The following IGSF11 variants were observed in gnomAD, a reference collection of about 807,000 sequenced individuals.
IGSF11 encodes the protein CXADR like 1.
Under a neutral mutation model 41.0 loss-of-function variants are expected in IGSF11, and 22 were observed. That is an observed-to-expected ratio of 0.54 (90% CI 0.38 to 0.77). IGSF11 has a LOEUF of 0.77. Among genes scored for constraint, IGSF11 ranks in the 30% least tolerant of loss-of-function variants. IGSF11 has a pLI of 0.00. For missense variants in IGSF11, 444 were observed against 530.8 expected (o/e 0.84, Z 1.61); for synonymous variants, 219 against 201.3 (o/e 1.09, Z -0.74).
chr3:119,109,927 T>C (rs945236390), upstream of IGSF11, among the ~76,000 whole-genome samples: 4 of 152,252 alleles, frequency 2.6e-5, no homozygotes, highest in African/African-American at 9.6e-5. Context: ...TCCTGAGTTC[T>C]AGTTTGATTG....
At chr3:119,093,212 G>T (rs1460368235) in intron 1 of IGSF11, among the ~76,000 whole-genome samples, 1 of 152,164 alleles carries the variant, frequency 6.6e-6, no homozygotes, top group Non-Finnish European at 1.5e-5. Flanking sequence ...ACTAAAGATT[G>T]CTGAGCTACG....
At chr3:119,014,496 C>CA (rs1306626000) in intron 1 of IGSF11, among the ~76,000 whole-genome samples, 1 of 152,118 alleles carries the variant, frequency 6.6e-6, no homozygotes, top group Non-Finnish European at 1.5e-5. Flanking sequence ...GATGGAAAGA[C>CA]AGAGACAGAA....
chr3:118,948,142 T>G (rs1444410219), intron 1 of IGSF11: 1 of 152,200 alleles, frequency 6.6e-6, no homozygotes, highest in Non-Finnish European at 1.5e-5. Context: ...AAATGTAAAA[T>G]GTAAGGAATG....
chr3:119,078,245 A>G (rs1344063394), intron 1 of IGSF11, among the ~76,000 whole-genome samples: 2 of 152,224 alleles, frequency 1.3e-5, no homozygotes, highest in African/African-American at 2.4e-5. Context: ...CAGAGGCATC[A>G]TACTACCTGA....
At chr3:119,129,576 T>C (rs1481257578) in intron 1 of IGSF11, among the ~76,000 whole-genome samples, 1 of 152,168 alleles carries the variant, frequency 6.6e-6, no homozygotes, top group African/African-American at 2.4e-5. Context: ...AGTTTTTGTT[T>C]GTTTTCTTAT....
intron 1 of IGSF11, among the ~76,000 whole-genome samples, chr3:119,085,388 A>G (rs556686685): frequency 6.6e-6 from 1 of 152,286 alleles, no homozygotes; most frequent in East Asian, 1.9e-4. Flanking sequence ...AAGCCAACCG[A>G]CTGTGTACTC....
rs1576743141 is a variant in IGSF11 at position 119,057,145 on chromosome 3, A to G, written c.49+47999T>C. 2.0e-5 allele frequency among the ~76,000 whole-genome samples: 3 copies of G among 152,312 alleles called. No homozygotes were observed. The East Asian group carries it at 5.8e-4, about 29-fold the overall frequency. On this transcript the variant is annotated intron_variant, in intron 1 of 6. Coordinates refer to the IGSF11 transcript ENST00000354673. Reference sequence around the variant, plus strand: ...CAGGGCAATTAGGCAGGAGAAGGAAATAAAGGGTATTCAATTAGGAAAAGA... The same window carrying G: ...CAGGGCAATTAGGCAGGAGAAGGAAGTAAAGGGTATTCAATTAGGAAAAGA...
At chr3:118,930,524 GAT>G (rs1479650997) in intron 1 of IGSF11, among the ~76,000 whole-genome samples, 1 of 152,202 alleles carries the variant, frequency 6.6e-6, no homozygotes, top group Non-Finnish European at 1.5e-5. Flanking sequence ...GATGCTATCT[GAT>G]ATGTGGCCAG....
intron 1 of IGSF11, among the ~76,000 whole-genome samples, chr3:119,044,066 G>C (rs761887257): frequency 1.3e-5 from 2 of 152,110 alleles, no homozygotes; most frequent in African/African-American, 2.4e-5. Context: ...AAAAATCTCT[G>C]AATTGCCAAA....
chr3:118,931,529 A>AT (rs1256947619), intron 1 of IGSF11, among the ~76,000 whole-genome samples: 1 of 152,180 alleles, frequency 6.6e-6, no homozygotes, highest in African/African-American at 2.4e-5. Flanking sequence ...CCCAAAACAT[A>AT]TTTCTCAAAG....
At chr3:118,977,773 C>T (rs1934279943) in intron 1 of IGSF11, among the ~76,000 whole-genome samples, 1 of 152,116 alleles carries the variant, frequency 6.6e-6, no homozygotes, top group Non-Finnish European at 1.5e-5. Flanking sequence ...CTAGAAACCA[C>T]ACGAAGGCAC....
rs1420720333 is a variant in IGSF11 at position 118,948,044 on chromosome 3, C to G, written c.53-17769G>C. 6 of 152,160 alleles carry G rather than the reference C, an allele frequency of 3.9e-5. No homozygotes were observed. The East Asian group carries it at 1.2e-3, about 29-fold the overall frequency. 9.4% of individuals were successfully genotyped at this position (152,160 alleles called of 1,614,324 possible). On this transcript the variant is annotated intron_variant, in intron 1 of 6. Coordinates refer to ENST00000393775, the MANE Select transcript of IGSF11 (RefSeq NM_001015887.3). The stretch of plus-strand genomic sequence containing the variant: ...CTAAACATACGCAAATTCTATGAAC[C>G]AGCAATTCTATCCCGTGTATGTGTA...
rs145245773 is a variant in IGSF11, at chr3:118,935,477, A to G, written c.53-5202T>C. ...ACATATATATATCAGATGCCAAAAGAGACTTTTAAGACAAACTGCCCTGAA... is the reference window on the plus strand; with the variant it reads ...ACATATATATATCAGATGCCAAAAGGGACTTTTAAGACAAACTGCCCTGAA... On this transcript the variant is annotated intron_variant, in intron 1 of 6. Transcript: ENST00000393775. Among the ~76,000 whole-genome samples, 321 of 150,648 alleles carry G rather than the reference A, an allele frequency of 2.1e-3. 3 individuals carry two copies. The highest frequency in any genetic ancestry group is 7.6e-3 in the African/African-American group (313 of 41,010).
intron 1 of IGSF11, among the ~76,000 whole-genome samples, chr3:119,008,854 G>A (rs1369581): frequency 0.4 from 60,479 of 151,972 alleles, 14,763 homozygotes; most frequent in African/African-American, 0.69. Context: ...ATCCAATCAG[G>A]TGAAAGCCTG....
At chr3:118,990,727 G>C (rs1345281851) in intron 1 of IGSF11, among the ~76,000 whole-genome samples, 1 of 152,110 alleles carries the variant, frequency 6.6e-6, no homozygotes, top group Non-Finnish European at 1.5e-5. Flanking sequence ...TCTAACCCCT[G>C]GGCAACTTGA....
intron 1 of IGSF11, among the ~76,000 whole-genome samples, chr3:118,989,377 G>C (rs897211775): frequency 6.7e-6 from 1 of 149,986 alleles, no homozygotes; most frequent in Non-Finnish European, 1.5e-5. Context: ...TTTTGAGACT[G>C]AGTCTCGCTC....
intron 6 of IGSF11, among the ~76,000 whole-genome samples, chr3:118,903,569 G>T (rs934251448): frequency 2.0e-5 from 3 of 152,058 alleles, no homozygotes; most frequent in African/African-American, 7.2e-5. Context: ...CTGATGAGAG[G>T]TTTTCCTCAG....
At chr3:119,006,254 A>G (rs1937489354) in intron 1 of IGSF11, among the ~76,000 whole-genome samples, 1 of 120,612 alleles carries the variant, frequency 8.3e-6, no homozygotes. Flanking sequence ...AGTTGATCGC[A>G]TCGGCTCCTG....
chr3:118,979,656 CAACAAA>C (rs1336604442), intron 1 of IGSF11, among the ~76,000 whole-genome samples: 3 of 151,932 alleles, frequency 2.0e-5, no homozygotes, highest in Non-Finnish European at 4.4e-5. Flanking sequence ...AAAGCACAGG[CAACAAA>C]AACAAAAATA....
Sources: allele counts gnomAD v4.1 joint callset (sites outside exome capture counted in the v4.1 genomes callset), GRCh38; gene constraint gnomAD v4.1.1; transcripts MANE v1.5; gene names NCBI Gene and HGNC (gene_info 2026-07-23, HGNC 2026-07-21).